Variants in TDP2 observed in about 807,000 individuals in gnomAD.
TDP2 encodes tyrosyl-DNA phosphodiesterase 2, also known as 5'-Tyr-DNA phosphodiesterase.
TDP2 carries 38 observed loss-of-function variants against 42.8 expected under a neutral mutation model. The observed-to-expected ratio is 0.89, with a 90% CI of 0.68 to 1.16. TDP2 has a LOEUF of 1.16. Ranked by LOEUF, TDP2 falls within the 50% of genes most tolerant of loss-of-function variation. The pLI is 0.00. For synonymous variants in TDP2, 173 were observed against 150.6 expected, an observed-to-expected ratio of 1.15 and a Z score of -1.09; for missense variants, 439 against 439.3, an observed-to-expected ratio of 1.00 and a Z score of 0.01.
Position 24,650,755 on chromosome 6 carries a change from C to T in TDP2, c.*33G>A, listed in dbSNP as rs889767006. Reference sequence around the variant, plus strand: ...CAGAAGGTGGAAATTGTATTTGCAACAATCAGGGCAAAACCCACACTTGAA... The same window carrying T: ...CAGAAGGTGGAAATTGTATTTGCAATAATCAGGGCAAAACCCACACTTGAA... On this transcript the variant is annotated 3_prime_UTR_variant, in exon 7 of 7. Coordinates refer to ENST00000378198, the MANE Select transcript of TDP2 (RefSeq NM_016614.3). The T allele has an allele frequency of 1.0e-5, 16 of 1,595,928 alleles. No homozygotes were observed. The highest frequency in any genetic ancestry group is 1.3e-5 in the Non-Finnish European group (15 of 1,169,586).
chr6:24,660,128 C>T (rs1390357345), intron 2 of TDP2, among the ~76,000 whole-genome samples: 1 of 152,222 alleles, frequency 6.6e-6, no homozygotes, highest in Non-Finnish European at 1.5e-5. Flanking sequence ...CTCCTATACA[C>T]CATTCACCCA....
chr6:24,651,030 C>T lies in TDP2; in HGVS notation c.847G>A (p.Val283Ile), dbSNP rs1477094205. 2 of 1,613,094 alleles carry T rather than the reference C, an allele frequency of 1.2e-6. No individual in the cohort carries two copies. The highest frequency in any genetic ancestry group is 8.5e-7 in the Non-Finnish European group (1 of 1,179,906). Reference sequence around the variant, plus strand: ...TTAGGTTTGCCCAAAAACTCCCAGACATCCACAATGTTGTTGGGTAAACCA... The same window carrying T: ...TTAGGTTTGCCCAAAAACTCCCAGATATCCACAATGTTGTTGGGTAAACCA... ...CGGLPNNIVD[V>I]WEFLGKPKHC... is the part of the protein sequence containing the mutation. The change falls in exon 7 of 7, where the codon GTC becomes ATC. Residue 283 changes from valine (V) to isoleucine (I), a missense_variant. By Grantham distance (29) the Val-to-Ile change is conservative. Coordinates refer to ENST00000378198, the MANE Select transcript of TDP2 (RefSeq NM_016614.3).
At chr6:24,665,778 C>T (rs1447999213) in intron 2 of TDP2, among the ~76,000 whole-genome samples, 1 of 152,072 alleles carries the variant, frequency 6.6e-6, no homozygotes, top group Admixed American at 6.5e-5. Flanking sequence ...TAAAAGGGGA[C>T]TCTTACCCAG....
chr6:24,654,811 TG>T (rs1189311662), intron 4 of TDP2, among the ~76,000 whole-genome samples: 1 of 152,070 alleles, frequency 6.6e-6, no homozygotes, highest in African/African-American at 2.4e-5. Context: ...GAGGTCGAGG[TG>T]GGCGGATCAC....
At chr6:24,654,375 T>C in intron 5 of TDP2, 37 bp downstream of exon 5, 1 of 1,093,084 alleles carries the variant, frequency 9.1e-7, no homozygotes, top group Non-Finnish European at 1.3e-6. Context: ...AAAAAATCTT[T>C]TTTTTATAAA....
chr6:24,656,774 C>T (rs1298609498), intron 4 of TDP2, among the ~76,000 whole-genome samples: 1 of 152,136 alleles, frequency 6.6e-6, no homozygotes, highest in Non-Finnish European at 1.5e-5. Flanking sequence ...TCAAGAACTA[C>T]AAAGCTACGA....
intron 4 of TDP2, among the ~76,000 whole-genome samples, chr6:24,655,597 G>A (rs1287607158): frequency 6.6e-6 from 1 of 152,112 alleles, no homozygotes. Context: ...GTTTTACATA[G>A]AACTAAATTT....
Position 24,666,591 on chromosome 6 carries a change from G to A in TDP2, c.186C>T (p.Phe62=), listed in dbSNP as rs926917791. 1.9e-6 allele frequency: 3 copies of A among 1,614,200 alleles called. No individual in the cohort carries two copies. Among genetic ancestry groups the A allele is most frequent in the South Asian group, 1.1e-5 (1 of 91,088 alleles). ...WEMERALNSY[F]EPPVEESALE... ...AGGCGCTCTCCTCCACCGGAGGCTC[G>A]AAGTAGGAGTTCAGAGCCCTCTGAA... The change falls in exon 2 of 7, where the codon TTC becomes TTT. Residue 62 remains phenylalanine (F), a synonymous_variant. Coordinates refer to ENST00000378198, the MANE Select transcript of TDP2 (RefSeq NM_016614.3).
intron 2 of TDP2, among the ~76,000 whole-genome samples, chr6:24,663,137 T>C (rs549575981): frequency 6.6e-6 from 1 of 152,336 alleles, no homozygotes; most frequent in Admixed American, 6.5e-5. Flanking sequence ...ATGGTGTCAT[T>C]AATCATAGCT....
At position 24,658,585 on chromosome 6, in the gene TDP2, C is replaced by T. The variant is rs772244923; in HGVS notation, c.401G>A (p.Arg134Gln). The T allele has an allele frequency of 6.2e-6, 10 of 1,612,726 alleles. No homozygotes were observed. The highest frequency in any genetic ancestry group is 3.3e-5 in the Admixed American group (2 of 59,770). Residue 134 changes from arginine (R) to glutamine (Q), a missense_variant, in exon 3 of 7, where the codon CGA (arginine) becomes CAA (glutamine). By Grantham distance (43) the Arg-to-Gln change is conservative. Coordinates refer to ENST00000378198, the MANE Select transcript of TDP2 (RefSeq NM_016614.3). Reference protein sequence around the residue: ...LDLNNLSERARGVCSYLALYS... With the variant: ...LDLNNLSERAQGVCSYLALYS... Reference sequence around the variant, plus strand: ...CAAAGCTAAGTAGGAACACACCCCTCGAGCCCTCTCTGACAGATTGTTTAG... The same window carrying T: ...CAAAGCTAAGTAGGAACACACCCCTTGAGCCCTCTCTGACAGATTGTTTAG...
At position 24,665,905 on chromosome 6, in the gene TDP2, C is replaced by G. The variant is rs1582427195; in HGVS notation, c.251+621G>C. On this transcript the variant is annotated intron_variant, in intron 2 of 6. Coordinates refer to ENST00000378198, the MANE Select transcript of TDP2 (RefSeq NM_016614.3). The stretch of plus-strand genomic sequence containing the variant: ...AATTCCAGGCACAGGTAATAAAGAT[C>G]TTTACGAAGTTTCAAAGACAGGAGA... The G allele has an allele frequency of 1.2e-5, 6 of 517,554 alleles. No individual in the cohort carries two copies. The African/African-American group carries it at 1.2e-4, about 10-fold the overall frequency. 32.1% of individuals were successfully genotyped at this position (517,554 alleles called of 1,614,324 possible).
At chr6:24,661,227 C>T (rs1778143353) in intron 2 of TDP2, among the ~76,000 whole-genome samples, 1 of 152,180 alleles carries the variant, frequency 6.6e-6, no homozygotes, top group Non-Finnish European at 1.5e-5. Context: ...ATGTCTTCCA[C>T]ATTTAATAGA....
At chr6:24,660,177 G>T (rs193245509) in intron 2 of TDP2, among the ~76,000 whole-genome samples, 1 of 152,208 alleles carries the variant, frequency 6.6e-6, no homozygotes, top group East Asian at 1.9e-4. Flanking sequence ...ACATTTACTT[G>T]CTTTATTCTT....
In TDP2 at chr6:24,650,964, G is replaced by A. The variant is rs774768351; in HGVS notation, c.913C>T (p.Leu305Phe). 3.1e-6 allele frequency: 5 copies of A among 1,614,078 alleles called. No individual in the cohort carries two copies. Among genetic ancestry groups the A allele is most frequent in the Non-Finnish European group, 4.2e-6 (5 of 1,180,014 alleles). The change falls in exon 7 of 7, where the codon CTT becomes TTT. Residue 305 changes from leucine (L) to phenylalanine (F), a missense_variant. Physicochemically the swap from Leu to Phe is conservative, Grantham distance 22. Coordinates refer to ENST00000378198, the MANE Select transcript of TDP2 (RefSeq NM_016614.3). ...YTWDTQMNSN[L>F]GITAACKLRF... is the part of the protein sequence containing the mutation. The stretch of plus-strand genomic sequence containing the variant: ...AGTTTACAAGCAGCAGTTATTCCAA[G>A]ATTAGAGTTCATTTGTGTATCCCAT...
At chr6:24,655,726 C>CT (rs1778052143) in intron 4 of TDP2, among the ~76,000 whole-genome samples, 2 of 152,212 alleles carry the variant, frequency 1.3e-5, no homozygotes, top group Non-Finnish European at 2.9e-5. Context: ...TTCCCCTCAC[C>CT]TGCTTCCAGA....
chr6:24,654,393 A>T lies in TDP2; in HGVS notation c.636+19T>A. 8.3e-7 allele frequency: 1 copy of T among 1,198,132 alleles called. No homozygotes were observed. Among genetic ancestry groups the T allele is most frequent in the South Asian group, 1.4e-5 (1 of 73,026 alleles). The allele number at this position is 1,198,132 out of a possible 1,614,324, so 74.2% of individuals were successfully genotyped here. On this transcript the variant is annotated intron_variant, in intron 5 of 6. Coordinates refer to ENST00000378198, the MANE Select transcript of TDP2 (RefSeq NM_016614.3). Reference sequence around the variant, plus strand: ...AAATCTTTTTTTTATAAAACACTCAATTTTTAAAAATTACTCACATGCACA... The same window carrying T: ...AAATCTTTTTTTTATAAAACACTCATTTTTTAAAAATTACTCACATGCACA...
chr6:24,660,101 C>G (rs1778117074), intron 2 of TDP2, among the ~76,000 whole-genome samples: 1 of 152,174 alleles, frequency 6.6e-6, no homozygotes, highest in South Asian at 2.1e-4. Context: ...AATTTTAATG[C>G]CAACATTTTA....
chr6:24,664,139 T>C (rs895612682), intron 2 of TDP2, among the ~76,000 whole-genome samples: 2 of 152,130 alleles, frequency 1.3e-5, no homozygotes, highest in Non-Finnish European at 2.9e-5. Flanking sequence ...CAATTTTAAA[T>C]CACCTGGAGA....
intron 2 of TDP2, among the ~76,000 whole-genome samples, chr6:24,659,719 C>G (rs1778112278): frequency 6.6e-6 from 1 of 152,178 alleles, no homozygotes; most frequent in Non-Finnish European, 1.5e-5. Flanking sequence ...TTCTTTGCTA[C>G]TCCCCTTTGA....
Sources: allele counts gnomAD v4.1 joint callset (sites outside exome capture counted in the v4.1 genomes callset), GRCh38; gene constraint gnomAD v4.1.1; transcripts MANE v1.5; gene names NCBI Gene and HGNC (gene_info 2026-07-23, HGNC 2026-07-21).